The following PLCB4 variants were observed in gnomAD, a reference collection of about 807,000 sequenced individuals.
PLCB4 encodes the protein phospholipase C beta 4.
Under a neutral mutation model 178.8 loss-of-function variants are expected in PLCB4, and 77 were observed. That is an observed-to-expected ratio of 0.43 (90% confidence interval 0.36 to 0.52). The LOEUF (loss-of-function observed/expected upper bound fraction) is 0.52. Among genes scored for constraint, PLCB4 ranks in the 20% least tolerant of loss-of-function variants. The probability of loss-of-function intolerance (pLI) is 0.00; values close to 1 mark genes in which losing one functional copy is unlikely to be tolerated. For missense variants in PLCB4, 1,024 were observed against 1,453.4 expected (o/e 0.70, Z 4.80); for synonymous variants, 496 against 490.8 (o/e 1.01, Z -0.14).
At chr20:9,371,970 T>A (rs1232453691) in intron 10 of PLCB4, among the ~76,000 whole-genome samples, 1 of 152,194 alleles carries the variant, frequency 6.6e-6, no homozygotes, top group Non-Finnish European at 1.5e-5. Context: ...TCAGCATCCC[T>A]CAGGCAGGCA....
intron 4 of PLCB4, among the ~76,000 whole-genome samples, chr20:9,328,797 A>G (rs1391904348): frequency 6.6e-6 from 1 of 152,218 alleles, no homozygotes; most frequent in Non-Finnish European, 1.5e-5. Flanking sequence ...TCCCACAGCC[A>G]TGGAAAGCTA....
intron 7 of PLCB4, among the ~76,000 whole-genome samples, chr20:9,351,730 T>C (rs550920984): frequency 6.6e-6 from 1 of 152,330 alleles, no homozygotes; most frequent in Admixed American, 6.5e-5. Flanking sequence ...TTGCTTGAAC[T>C]AAATTGGTGG....
At chr20:9,184,997 A>C (rs1176401374) in intron 2 of PLCB4, among the ~76,000 whole-genome samples, 2 of 152,182 alleles carry the variant, frequency 1.3e-5, no homozygotes, top group Non-Finnish European at 2.9e-5. Context: ...ATCATAGCCC[A>C]CTGCAGCCTT....
chr20:9,443,908 T>G lies in PLCB4; in HGVS notation c.2765-73T>G, dbSNP rs1197210795. On this transcript the variant is annotated intron_variant, in intron 30 of 39. Transcript: ENST00000378473. The stretch of plus-strand genomic sequence containing the variant: ...AGTCTTTCGATGAGATTTCGATATG[T>G]CAGTTCTATATTACCAGTTATTCTC... 3.6e-6 allele frequency: 3 copies of G among 832,302 alleles called. No individual in the cohort carries two copies. The South Asian group carries it at 4.7e-5, about 13-fold the overall frequency. The allele number at this position is 832,302 out of a possible 1,614,324, so 51.6% of individuals were successfully genotyped here. A position where few individuals can be genotyped will look rare whatever the true frequency, so the allele number is the denominator to read the frequency against.
intron 32 of PLCB4, among the ~76,000 whole-genome samples, chr20:9,451,696 G>T (rs923350556): frequency 6.6e-6 from 1 of 152,184 alleles, no homozygotes; most frequent in Admixed American, 6.5e-5. Context: ...CACTCTCTGT[G>T]TGTTATCATG....
intron 35 of PLCB4, among the ~76,000 whole-genome samples, chr20:9,467,625 T>C (rs1232943509): frequency 6.6e-6 from 1 of 152,204 alleles, no homozygotes; most frequent in Non-Finnish European, 1.5e-5. Flanking sequence ...AATGAATGAA[T>C]ACAGAAAGGT....
chr20:9,233,044 TG>T (rs1485513416), intron 3 of PLCB4, among the ~76,000 whole-genome samples: 1 of 152,140 alleles, frequency 6.6e-6, no homozygotes, highest in African/African-American at 2.4e-5. Context: ...TGATTTATAT[TG>T]TCAAAGGCTG....
At chr20:9,118,923 T>C (rs1452691341) in intron 2 of PLCB4, among the ~76,000 whole-genome samples, 1 of 152,212 alleles carries the variant, frequency 6.6e-6, no homozygotes, top group Admixed American at 6.5e-5. Flanking sequence ...TCATGTGCTC[T>C]GAGCATCTTG....
chr20:9,254,807 T>C (rs560810522), intron 3 of PLCB4, among the ~76,000 whole-genome samples: 1 of 152,346 alleles, frequency 6.6e-6, no homozygotes, highest in Non-Finnish European at 1.5e-5. Context: ...TGTGGGGATG[T>C]TTATTGCAAA....
At chr20:9,159,251 C>CT (rs921796022) in intron 2 of PLCB4, among the ~76,000 whole-genome samples, 3 of 152,012 alleles carry the variant, frequency 2.0e-5, no homozygotes, top group South Asian at 2.1e-4. Context: ...TAAATTGATC[C>CT]TTTTTTTATC....
intron 32 of PLCB4, among the ~76,000 whole-genome samples, chr20:9,447,796 A>G (rs533367259): frequency 6.6e-6 from 1 of 152,300 alleles, no homozygotes; most frequent in South Asian, 2.1e-4. Context: ...ACTTGTAACC[A>G]CTATACTCAG....
At chr20:9,148,783 G>A (rs182282848) in intron 2 of PLCB4, among the ~76,000 whole-genome samples, 29 of 152,264 alleles carry the variant, frequency 1.9e-4, no homozygotes, top group South Asian at 4.1e-4. Context: ...AGCTGTTTTC[G>A]TGATGGAAAT....
In PLCB4 at chr20:9,365,052, G is replaced by A. The variant is rs73895710; in HGVS notation, c.450-409G>A. ...AATATATTATTACAGAGCAATAATC[G>A]AGCAGACCAATCACAAATAAGTACC... is the stretch of plus-strand genomic sequence containing the variant. On this transcript the variant is annotated intron_variant, in intron 8 of 39. Coordinates refer to ENST00000378473, the MANE Select transcript of PLCB4 (RefSeq NM_001377142.1). 7.9e-3 allele frequency among the ~76,000 whole-genome samples: 1,201 copies of A among 152,206 alleles called. 18 individuals are homozygous for A. Among genetic ancestry groups the A allele is most frequent in the African/African-American group, 0.027 (1,121 of 41,504 alleles).
intron 8 of PLCB4, among the ~76,000 whole-genome samples, 165 bp downstream of exon 8, chr20:9,363,140 G>A (rs1363069367): frequency 6.6e-6 from 1 of 152,118 alleles, no homozygotes. Context: ...TTCATACCAC[G>A]TAGAAAGGCA....
chr20:9,360,646 C>G (rs749539436), intron 7 of PLCB4, among the ~76,000 whole-genome samples: 1 of 152,152 alleles, frequency 6.6e-6, no homozygotes, highest in Non-Finnish European at 1.5e-5. Context: ...AGGTCAATAA[C>G]AGGATATTTG....
intron 2 of PLCB4, among the ~76,000 whole-genome samples, chr20:9,122,805 T>C (rs575577062): frequency 1.3e-5 from 2 of 152,298 alleles, no homozygotes; most frequent in Admixed American, 6.5e-5. Flanking sequence ...TGTCAATTAT[T>C]GTGCATCTAA....
At chr20:9,248,666 CTTTTA>C (rs2094149127) in intron 3 of PLCB4, among the ~76,000 whole-genome samples, 2 of 152,130 alleles carry the variant, frequency 1.3e-5, no homozygotes, top group Admixed American at 1.3e-4. Flanking sequence ...CCTACTGACT[CTTTTA>C]ACACACTGAG....
At chr20:9,092,729 A>G (rs529281930) in intron 1 of PLCB4, among the ~76,000 whole-genome samples, 1 of 151,748 alleles carries the variant, frequency 6.6e-6, no homozygotes, top group East Asian at 1.9e-4. Flanking sequence ...CTTTCTCACC[A>G]CTCCTTATCA....
At chr20:9,407,277 C>T (rs1003575221) in intron 21 of PLCB4, among the ~76,000 whole-genome samples, 2 of 151,966 alleles carry the variant, frequency 1.3e-5, no homozygotes, top group Non-Finnish European at 2.9e-5. Context: ...CGCTAATGTT[C>T]GAGAGTCACT....
Sources: allele counts gnomAD v4.1 joint callset (sites outside exome capture counted in the v4.1 genomes callset), GRCh38; gene constraint gnomAD v4.1.1; transcripts MANE v1.5; gene names NCBI Gene and HGNC (gene_info 2026-07-23, HGNC 2026-07-21).